USP37: variants seen among roughly 807,000 people sequenced by gnomAD.
USP37 encodes ubiquitin specific peptidase 37, also known as ubiquitin carboxyl-terminal hydrolase 37.
Under a neutral mutation model 124.0 loss-of-function variants are expected in USP37, and 27 were observed. The observed-to-expected ratio is 0.22, with a 90% CI of 0.16 to 0.30. The LOEUF (loss-of-function observed/expected upper bound fraction) is 0.30. Ranked by LOEUF, USP37 falls within the 10% of genes least tolerant of loss-of-function variation. USP37 has a pLI of 1.00. For missense variants in USP37, 889 were observed against 1,140.4 expected (o/e 0.78, Z 3.17); for synonymous variants, 365 against 388.0 (o/e 0.94, Z 0.70).
intron 14 of USP37, among the ~76,000 whole-genome samples, chr2:218,491,076 G>A (rs1429193046): frequency 6.6e-6 from 1 of 152,126 alleles, no homozygotes; most frequent in Non-Finnish European, 1.5e-5. Context: ...GTATCGCTAT[G>A]TTGTCAGGGC....
At chr2:218,505,721 CT>C (rs1321048306) in intron 11 of USP37, among the ~76,000 whole-genome samples, 1 of 152,038 alleles carries the variant, frequency 6.6e-6, no homozygotes, top group Non-Finnish European at 1.5e-5. Context: ...AGGATTTTTC[CT>C]TGTCTTTAAA....
At chr2:218,489,357 CAAA>C (rs35890265) in intron 14 of USP37, among the ~76,000 whole-genome samples, 9 of 123,590 alleles carry the variant, frequency 7.3e-5, no homozygotes, top group Non-Finnish European at 8.6e-5. Flanking sequence ...GACTCTGTCT[CAAA>C]AAAAAAAAAA....
At position 218,558,543 on chromosome 2, in the gene USP37, G is replaced by C. The variant is rs1348586672; in HGVS notation, c.111C>G (p.Ser37Arg). Residue 37 changes from serine (S) to arginine (R), a missense_variant, in exon 4 of 26, where the codon AGC becomes AGG. This residue lies in a region of USP37 where 374 missense variants were observed against 386.0 expected (regional missense o/e 0.97). Coordinates refer to ENST00000258399, the MANE Select transcript of USP37 (RefSeq NM_020935.3). Reference sequence around the variant, plus strand: ...CTCCAGTATTGTAGTGAACTACTAGGCTGACTTTATTCTCTTTTTCTACAA... The same window carrying C: ...CTCCAGTATTGTAGTGAACTACTAGCCTGACTTTATTCTCTTTTTCTACAA... Reference protein sequence around the residue: ...FEIVEKENKVSLVVHYNTGGI... With the variant: ...FEIVEKENKVRLVVHYNTGGI... The C allele has an allele frequency of 6.8e-6, 11 of 1,613,220 alleles. No individual in the cohort carries two copies. The highest frequency in any genetic ancestry group is 9.3e-6 in the Non-Finnish European group (11 of 1,179,750).
chr2:218,545,872 T>A lies in USP37; in HGVS notation c.680+349A>T, dbSNP rs772895323. Among the ~76,000 whole-genome samples the A allele has an allele frequency of 1.7e-3, 238 of 137,916 alleles. 1 individual carries two copies. The highest frequency in any genetic ancestry group is 2.6e-3 in the Non-Finnish European group (165 of 62,444). The allele number at this position is 137,916 out of a possible 152,430, so 90.5% of individuals were successfully genotyped here. ...CATGAGTAAAATGAAAAAGTAAAAA[T>A]TTTTTTTTTAATTAAGCATAAAGAA... On this transcript the variant is annotated intron_variant, in intron 8 of 25. Transcript: ENST00000258399.
At chr2:218,510,932 T>C (rs1574905258) in intron 10 of USP37, among the ~76,000 whole-genome samples, 3 of 151,688 alleles carry the variant, frequency 2.0e-5, no homozygotes, top group Admixed American at 6.6e-5. Flanking sequence ...GAGGCAGAGG[T>C]TGCAATGAGC....
chr2:218,477,821 C>G (rs1232970947), intron 18 of USP37, among the ~76,000 whole-genome samples: 1 of 152,078 alleles, frequency 6.6e-6, no homozygotes, highest in Non-Finnish European at 1.5e-5. Context: ...TTCATCCAAA[C>G]TGTTAAAAAT....
rs551613593 is a variant in USP37 at position 218,535,724 on chromosome 2, G to A, written c.681-1018C>T. 4.0e-5 allele frequency among the ~76,000 whole-genome samples: 6 copies of A among 151,660 alleles called. 1 individual carries two copies. Among genetic ancestry groups the A allele is most frequent in the African/African-American group, 1.2e-4 (5 of 41,348 alleles). On this transcript the variant is annotated intron_variant, in intron 8 of 25. Transcript: ENST00000258399. The stretch of plus-strand genomic sequence containing the variant: ...ACAATAATTAGCTGGGCGTGGTGGC[G>A]GGCACCTGTAGTCCCATCTACGCAG...
chr2:218,506,577 G>A (rs1016042093), intron 11 of USP37, among the ~76,000 whole-genome samples: 1 of 148,994 alleles, frequency 6.7e-6, no homozygotes, highest in Admixed American at 6.7e-5. Context: ...GAGCCACCAC[G>A]CCCGGCCCTT....
intron 6 of USP37, among the ~76,000 whole-genome samples, chr2:218,548,410 T>C (rs1196329623): frequency 2.7e-5 from 4 of 150,678 alleles, no homozygotes; most frequent in Non-Finnish European, 4.4e-5. Flanking sequence ...GCACAATCAC[T>C]GCTTCCTGCA....
At position 218,454,815 on chromosome 2, in the gene USP37, C is replaced by A; in HGVS notation, c.*115G>T. 1 of 1,519,394 alleles carries A rather than the reference C, an allele frequency of 6.6e-7. No homozygotes were observed. The highest frequency in any genetic ancestry group is 1.9e-4 in the Middle Eastern group (1 of 5,366). The allele number at this position is 1,519,394 out of a possible 1,614,324, so 94.1% of individuals were successfully genotyped here. ...TTTTGTCTTTTGGTTTGGCCCTGAG[C>A]TGTTTGTTGCTCCCGCATCAAGTAG... On this transcript the variant is annotated 3_prime_UTR_variant, in exon 26 of 26. Transcript: ENST00000258399.
At position 218,528,803 on chromosome 2, in the gene USP37, G is replaced by GAAAA. The variant is rs58650311; in HGVS notation, c.863+1149_863+1152dup. On this transcript the variant is annotated intron_variant, in intron 10 of 25. Transcript: ENST00000258399. ...TTATGTATTTATACCCAATAAATCT[G>GAAAA]AAAAAAAAAAAAAAAAAAAAAAAAA... The GAAAA allele has an allele frequency of 1.7e-4, 5 of 29,728 alleles. 2 individuals carry two copies. The highest frequency in any genetic ancestry group is 2.2e-4 in the Non-Finnish European group (3 of 13,894). 1.8% of individuals were successfully genotyped at this position (29,728 alleles called of 1,614,324 possible). A position where few individuals can be genotyped will look rare whatever the true frequency, so the allele number is the denominator to read the frequency against.
chr2:218,546,332 A>C, intron 7 of USP37, 34 bp from the exon 8 acceptor site: 1 of 1,516,534 alleles, frequency 6.6e-7, no homozygotes, highest in Non-Finnish European at 9.1e-7. Flanking sequence ...ACTTTTAAAA[A>C]GCCACAATTC....
chr2:218,467,780 G>A (rs77859765), intron 20 of USP37, among the ~76,000 whole-genome samples: 6,109 of 151,442 alleles, frequency 0.04, 161 homozygotes, highest in East Asian at 0.12. Flanking sequence ...CACCCCTCCC[G>A]GCCTGTTCCT....
chr2:218,478,936 C>A (rs1165814881), intron 18 of USP37, among the ~76,000 whole-genome samples: 1 of 152,038 alleles, frequency 6.6e-6, no homozygotes, highest in Non-Finnish European at 1.5e-5. Flanking sequence ...ATATAAGCCC[C>A]CCAAAAGCCC....
intron 9 of USP37, among the ~76,000 whole-genome samples, chr2:218,534,408 G>A (rs987284482): frequency 1.3e-5 from 2 of 152,152 alleles, no homozygotes; most frequent in African/African-American, 4.8e-5. Flanking sequence ...AGAATCACTT[G>A]AACCCGGGAG....
intron 17 of USP37, among the ~76,000 whole-genome samples, chr2:218,480,944 A>C (rs1691242521): frequency 6.6e-6 from 1 of 152,236 alleles, no homozygotes; most frequent in African/African-American, 2.4e-5. Flanking sequence ...GTAAACTTCT[A>C]TGAGACGTGG....
intron 10 of USP37, among the ~76,000 whole-genome samples, chr2:218,527,246 G>C (rs527750398): frequency 8.2e-4 from 125 of 152,244 alleles, no homozygotes; most frequent in African/African-American, 3.0e-3. Flanking sequence ...GCTAATCATT[G>C]TTGTCCCATT....
chr2:218,458,021 C>T (rs1235485309), intron 23 of USP37, among the ~76,000 whole-genome samples: 4 of 113,708 alleles, frequency 3.5e-5, no homozygotes, highest in Non-Finnish European at 6.7e-5. Context: ...GCCTGGGCGA[C>T]AGAGCAAGAC....
chr2:218,482,304 A>T, intron 16 of USP37, 70 bp from the exon 17 acceptor site: 1 of 1,510,624 alleles, frequency 6.6e-7, no homozygotes, highest in Non-Finnish European at 8.9e-7. Context: ...AGTAAAAGAG[A>T]TCACTCTATG....
Sources: allele counts gnomAD v4.1 joint callset (sites outside exome capture counted in the v4.1 genomes callset), GRCh38; gene constraint gnomAD v4.1.1; regional missense constraint gnomAD v4.1.1; transcripts MANE v1.5; gene names NCBI Gene and HGNC (gene_info 2026-07-23, HGNC 2026-07-21).